The following LRP2 variants were observed in gnomAD, a reference collection of about 807,000 sequenced individuals.
LRP2 encodes the protein low-density lipoprotein receptor-related protein 2.
In LRP2, 172 loss-of-function variants were observed where a neutral mutation model predicts 531.0. The ratio of observed to expected loss-of-function variants is 0.32; its 90% CI spans 0.29 to 0.37. LRP2 has a LOEUF of 0.37. Among genes scored for constraint, LRP2 ranks in the 10% least tolerant of loss-of-function variants. The pLI is 1.00. For synonymous variants in LRP2, 1,992 were observed against 2,027.6 expected, an observed-to-expected ratio of 0.98 and a Z score of 0.47; for missense variants, 5,167 against 5,868.3, an observed-to-expected ratio of 0.88 and a Z score of 3.90.
At chr2:169,286,078 T>C (rs1425993326) in intron 9 of LRP2, among the ~76,000 whole-genome samples, 1 of 152,180 alleles carries the variant, frequency 6.6e-6, no homozygotes, top group African/African-American at 2.4e-5. Flanking sequence ...GTAACTGGTT[T>C]CCTAACGTCA....
At chr2:169,231,914 C>T (rs921540559) in intron 30 of LRP2, 72 bp from the exon 31 acceptor site, 5 of 1,571,346 alleles carry the variant, frequency 3.2e-6, no homozygotes, top group African/African-American at 2.7e-5. Context: ...GAGTCATGCT[C>T]TTAGTGTCCT....
chr2:169,172,225 T>C, intron 57 of LRP2, 91 bp from the exon 58 acceptor site: 1 of 1,464,114 alleles, frequency 6.8e-7, no homozygotes, highest in Non-Finnish European at 9.5e-7. Context: ...GTCTGAGAAT[T>C]GTATTAGCTC....
intron 9 of LRP2, among the ~76,000 whole-genome samples, chr2:169,285,130 A>C (rs1683818803): frequency 6.7e-6 from 1 of 149,702 alleles, no homozygotes; most frequent in African/African-American, 2.5e-5. Context: ...GCAATATGGC[A>C]AGGGTTTATG....
intron 4 of LRP2, among the ~76,000 whole-genome samples, chr2:169,306,949 T>A (rs1411218024): frequency 2.6e-5 from 4 of 152,214 alleles, no homozygotes; most frequent in Non-Finnish European, 5.9e-5. Flanking sequence ...ACTATAGCTG[T>A]GTAATAACAG....
chr2:169,234,561 T>C (rs562586809), intron 29 of LRP2, among the ~76,000 whole-genome samples: 18 of 152,254 alleles, frequency 1.2e-4, no homozygotes, highest in Non-Finnish European at 2.5e-4. Flanking sequence ...GTCTTTGCTA[T>C]TGTAAATAGT....
intron 3 of LRP2, among the ~76,000 whole-genome samples, chr2:169,308,661 T>G (rs544338299): frequency 6.6e-6 from 1 of 152,330 alleles, no homozygotes; most frequent in Non-Finnish European, 1.5e-5. Context: ...TTTGCTATTG[T>G]GAATAGTGCC....
intron 1 of LRP2, among the ~76,000 whole-genome samples, chr2:169,348,684 T>C (rs776751317): frequency 2.6e-5 from 4 of 152,226 alleles, no homozygotes; most frequent in Non-Finnish European, 4.4e-5. Context: ...AATAGCAGAA[T>C]GACCCATTCT....
intron 28 of LRP2, among the ~76,000 whole-genome samples, 198 bp downstream of exon 28, chr2:169,236,905 C>T (rs1483800207): frequency 6.6e-6 from 1 of 152,092 alleles, no homozygotes; most frequent in Non-Finnish European, 1.5e-5. Flanking sequence ...CAATCAATTG[C>T]TCTTATGTAC....
At position 169,236,048 on chromosome 2, in the gene LRP2, G is replaced by T. The variant is rs1310201637; in HGVS notation, c.4712C>A (p.Ser1571Tyr). Residue 1571 changes from serine to tyrosine, a missense_variant, in exon 29 of 79, where the codon TCT becomes TAT. Transcript: ENST00000649046. The part of the protein sequence containing the change: ...PRMNEHLLFW[S>Y]DWGHHPRIER... ...GATGCGAGGGTGGTGGCCCCAGTCAGACCAGAACAGTAGATGCTCACTGGG... is the reference window on the plus strand; with the variant it reads ...GATGCGAGGGTGGTGGCCCCAGTCATACCAGAACAGTAGATGCTCACTGGG... The T allele has an allele frequency of 6.2e-7, 1 of 1,613,900 alleles. No homozygotes were observed. The highest frequency in any genetic ancestry group is 8.5e-7 in the Non-Finnish European group (1 of 1,179,868).
chr2:169,185,059 C>T (rs1361303023), intron 50 of LRP2, among the ~76,000 whole-genome samples: 2 of 152,268 alleles, frequency 1.3e-5, no homozygotes, highest in South Asian at 2.1e-4. Flanking sequence ...CTGCCCCCGG[C>T]CAATGACAAG....
chr2:169,130,016 T>C (rs578036454), intron 77 of LRP2, among the ~76,000 whole-genome samples: 1 of 152,296 alleles, frequency 6.6e-6, no homozygotes, highest in African/African-American at 2.4e-5. Flanking sequence ...AGAAGAGGTC[T>C]TCACTTTAAC....
intron 1 of LRP2, among the ~76,000 whole-genome samples, chr2:169,347,130 C>A (rs956490516): frequency 9.9e-5 from 15 of 152,224 alleles, no homozygotes; most frequent in African/African-American, 3.6e-4. Context: ...TCTCTCTGAA[C>A]CTTGCTCTGA....
Position 169,246,625 on chromosome 2 carries a change from C to T in LRP2, c.3190+80G>A, listed in dbSNP as rs142973583. On this transcript the variant is annotated intron_variant, in intron 21 of 78. Transcript: ENST00000649046. ...AAGATATTTTTCCCATATAAATAGC[C>T]CAAGCTTTTATTTATTTTCTTTAAA... 1.1e-3 allele frequency: 1,709 copies of T among 1,507,766 alleles called. 15 individuals are homozygous for T. The African/African-American group carries it at 0.018, about 16-fold the overall frequency. 93.4% of individuals were successfully genotyped at this position (1,507,766 alleles called of 1,614,324 possible). A position where few individuals can be genotyped will look rare whatever the true frequency, so the allele number is the denominator to read the frequency against.
chr2:169,199,992 T>A (rs1166489023), intron 44 of LRP2, among the ~76,000 whole-genome samples: 1 of 152,208 alleles, frequency 6.6e-6, no homozygotes, highest in African/African-American at 2.4e-5. Flanking sequence ...GGCTCACGCC[T>A]GTAATCCCAG....
intron 17 of LRP2, 80 bp from the exon 18 acceptor site, chr2:169,257,329 A>T: frequency 7.0e-7 from 1 of 1,419,842 alleles, no homozygotes; most frequent in Non-Finnish European, 9.9e-7. Flanking sequence ...ACAAACAGAG[A>T]TTCTCCAGAT....
chr2:169,213,765 C>G lies in LRP2; in HGVS notation c.5932G>C (p.Glu1978Gln), dbSNP rs1357352135. 2.5e-6 allele frequency: 4 copies of G among 1,610,352 alleles called. No individual in the cohort carries two copies. Among genetic ancestry groups the G allele is most frequent in the South Asian group, 1.1e-5 (1 of 91,004 alleles). ...VHDSFLYYTD[E>Q]QYEVIERVDK... ...ACTCTTTCAATGACCTCATACTGTTCATCAGTATAATAAAGGAAAGAATCA... is the reference window on the plus strand; with the variant it reads ...ACTCTTTCAATGACCTCATACTGTTGATCAGTATAATAAAGGAAAGAATCA... Residue 1978 changes from glutamate (E) to glutamine (Q), a missense_variant, in exon 36 of 79, where the codon GAA (glutamate) becomes CAA (glutamine). By Grantham distance (29) the Glu-to-Gln change is conservative. Coordinates refer to ENST00000649046, the MANE Select transcript of LRP2 (RefSeq NM_004525.3).
At chr2:169,131,040 T>A (rs1685267978) in intron 77 of LRP2, among the ~76,000 whole-genome samples, 1 of 151,988 alleles carries the variant, frequency 6.6e-6, no homozygotes, top group Admixed American at 6.6e-5. Flanking sequence ...TGAGAAAAAA[T>A]GTTGAAAATA....
At chr2:169,299,276 C>T (rs923109240) in intron 4 of LRP2, among the ~76,000 whole-genome samples, 4 of 151,994 alleles carry the variant, frequency 2.6e-5, no homozygotes, top group Non-Finnish European at 5.9e-5. Context: ...GTCTGGGTGG[C>T]TTTCAGGAAG....
chr2:169,170,963 A>C (rs1370415803), intron 58 of LRP2, among the ~76,000 whole-genome samples: 2 of 124,950 alleles, frequency 1.6e-5, no homozygotes, highest in Non-Finnish European at 3.2e-5. Context: ...ATCTTTCAAC[A>C]TTGCCCAGGC....
Sources: gnomAD v4.1 joint callset for allele counts (sites outside exome capture counted in the v4.1 genomes callset) on GRCh38, gnomAD v4.1.1 for gene constraint, MANE v1.5 for transcripts, NCBI Gene and HGNC (gene_info 2026-07-23, HGNC 2026-07-21) for gene names.